The following SH3PXD2A variants were observed in gnomAD, a reference collection of about 807,000 sequenced individuals.
The protein encoded by SH3PXD2A is SH3 and PX domain-containing protein 2A.
SH3PXD2A carries 32 observed loss-of-function variants against 115.2 expected under a neutral mutation model. The observed-to-expected ratio is 0.28, with a 90% CI of 0.21 to 0.37. The LOEUF (loss-of-function observed/expected upper bound fraction) is 0.37. Ranked by LOEUF, SH3PXD2A falls within the 10% of genes least tolerant of loss-of-function variation. The pLI, the probability that SH3PXD2A is intolerant of heterozygous loss-of-function variation, is 1.00. For missense variants in SH3PXD2A, 1,328 were observed against 1,498.7 expected, an observed-to-expected ratio of 0.89 and a Z score of 1.88; for synonymous variants, 610 against 629.1, an observed-to-expected ratio of 0.97 and a Z score of 0.45.
chr10:103,671,346 C>G (rs140858538), intron 6 of SH3PXD2A, among the ~76,000 whole-genome samples: 3,329 of 152,228 alleles, frequency 0.022, 113 homozygotes, highest in African/African-American at 0.075. Flanking sequence ...ATTTATAAAA[C>G]GAAAAGGGGG....
intron 1 of SH3PXD2A, among the ~76,000 whole-genome samples, chr10:103,823,957 C>T (rs1371242716): frequency 6.6e-6 from 1 of 152,240 alleles, no homozygotes; most frequent in Non-Finnish European, 1.5e-5. Context: ...TCAGCACCCA[C>T]ACCCTAATGC....
chr10:103,661,161 C>T (rs2037294222), intron 7 of SH3PXD2A, 47 bp from the exon 8 acceptor site: 3 of 1,596,792 alleles, frequency 1.9e-6, no homozygotes, highest in South Asian at 1.1e-5. Flanking sequence ...CAGCCATGGC[C>T]CCGCGGCCAG....
chr10:103,638,738 G>A (rs1592275991), intron 8 of SH3PXD2A, among the ~76,000 whole-genome samples: 1 of 152,366 alleles, frequency 6.6e-6, no homozygotes, highest in Non-Finnish European at 1.5e-5. Flanking sequence ...ATTGGAATCA[G>A]AATAGTGCCT....
chr10:103,621,371 C>G (rs992428117), intron 10 of SH3PXD2A, among the ~76,000 whole-genome samples: 4 of 152,234 alleles, frequency 2.6e-5, no homozygotes, highest in African/African-American at 9.6e-5. Flanking sequence ...CCCACAGGGT[C>G]CAGCCCAGGC....
intron 2 of SH3PXD2A, among the ~76,000 whole-genome samples, chr10:103,791,160 T>C: frequency 6.6e-6 from 1 of 152,208 alleles, no homozygotes; most frequent in Middle Eastern, 3.2e-3. Context: ...TTCCCCAGTT[T>C]ACAAAAGAGC....
chr10:103,607,348 C>T (rs1383898185), intron 13 of SH3PXD2A, among the ~76,000 whole-genome samples: 4 of 151,998 alleles, frequency 2.6e-5, no homozygotes, highest in Admixed American at 6.5e-5. Context: ...GCAGCTGCCC[C>T]GTCTGGGAAG....
chr10:103,791,217 G>T (rs2039032106), intron 2 of SH3PXD2A, among the ~76,000 whole-genome samples: 2 of 152,206 alleles, frequency 1.3e-5, no homozygotes. Context: ...GGAGAGGCTG[G>T]GGGTGCAGCA....
chr10:103,846,694 G>A (rs1032975928), intron 1 of SH3PXD2A, among the ~76,000 whole-genome samples: 1 of 152,244 alleles, frequency 6.6e-6, no homozygotes, highest in Non-Finnish European at 1.5e-5. Flanking sequence ...ATGGGCAAAT[G>A]TAGTTCTAGA....
At chr10:103,783,877 T>C (rs2038955950) in intron 2 of SH3PXD2A, among the ~76,000 whole-genome samples, 1 of 152,220 alleles carries the variant, frequency 6.6e-6, no homozygotes, top group Admixed American at 6.5e-5. Flanking sequence ...GCCCCCGCAG[T>C]GAGGCGAGCC....
chr10:103,617,406 T>C, intron 10 of SH3PXD2A, 92 bp from the exon 11 acceptor site: 1 of 891,694 alleles, frequency 1.1e-6, no homozygotes, highest in Non-Finnish European at 1.8e-6. Flanking sequence ...TGGCTTTTGC[T>C]CAACTGCTTG....
intron 4 of SH3PXD2A, 47 bp from the exon 5 acceptor site, chr10:103,724,408 A>G: frequency 1.7e-6 from 2 of 1,155,920 alleles, no homozygotes; most frequent in Non-Finnish European, 2.5e-6. Context: ...TGAACTTGGG[A>G]ACAGGAAAAC....
At chr10:103,697,145 AG>A (rs1370364568) in intron 5 of SH3PXD2A, among the ~76,000 whole-genome samples, 3 of 152,214 alleles carry the variant, frequency 2.0e-5, no homozygotes, top group East Asian at 3.9e-4. Flanking sequence ...CAGTGGGGGC[AG>A]GGGGGTGCCC....
At chr10:103,688,922 A>G (rs1390410412) in intron 6 of SH3PXD2A, among the ~76,000 whole-genome samples, 2 of 152,136 alleles carry the variant, frequency 1.3e-5, no homozygotes, top group Non-Finnish European at 2.9e-5. Flanking sequence ...GCTGTAGTGC[A>G]GTGGCACAAT....
chr10:103,678,678 G>A (rs2037571779), intron 6 of SH3PXD2A, among the ~76,000 whole-genome samples: 1 of 152,124 alleles, frequency 6.6e-6, no homozygotes, highest in Admixed American at 6.5e-5. Context: ...TCAGCCTCTC[G>A]GGAGTTCTCA....
chr10:103,713,283 C>A (rs1484851128), intron 5 of SH3PXD2A, among the ~76,000 whole-genome samples: 1 of 152,174 alleles, frequency 6.6e-6, no homozygotes, highest in Non-Finnish European at 1.5e-5. Flanking sequence ...ATTCCCACAG[C>A]CATCCAGCCC....
chr10:103,661,148 G>A, intron 7 of SH3PXD2A, 34 bp from the exon 8 acceptor site: 9 of 1,603,920 alleles, frequency 5.6e-6, no homozygotes, highest in Non-Finnish European at 7.7e-6. Flanking sequence ...GTGAGCCAGC[G>A]GCCAGCCATG....
At chr10:103,777,277 T>C (rs2134237037) in intron 2 of SH3PXD2A, among the ~76,000 whole-genome samples, 1 of 152,356 alleles carries the variant, frequency 6.6e-6, no homozygotes, top group Non-Finnish European at 1.5e-5. Context: ...CCAGGCTGCG[T>C]CCCTCATGCC....
chr10:103,648,196 A>C (rs1327770405), intron 8 of SH3PXD2A, among the ~76,000 whole-genome samples: 1 of 152,188 alleles, frequency 6.6e-6, no homozygotes, highest in Admixed American at 6.5e-5. Context: ...CCCAGTGCAC[A>C]CAAGAAGAAA....
At chr10:103,780,164 C>G (rs992274847) in intron 2 of SH3PXD2A, among the ~76,000 whole-genome samples, 1 of 152,208 alleles carries the variant, frequency 6.6e-6, no homozygotes, top group South Asian at 2.1e-4. Context: ...CGGGCCTGGG[C>G]CCAGGCTGCT....
Sources: gnomAD v4.1 joint callset for allele counts (sites outside exome capture counted in the v4.1 genomes callset) on GRCh38, gnomAD v4.1.1 for gene constraint, MANE v1.5 for transcripts, NCBI Gene and HGNC (gene_info 2026-07-23, HGNC 2026-07-21) for gene names.